The following ARID3A variants were observed in gnomAD, a reference collection of about 807,000 sequenced individuals.
The protein encoded by ARID3A is AT-rich interactive domain-containing protein 3A.
A neutral mutation model predicts 52.7 loss-of-function variants in ARID3A; 11 were observed. The observed-to-expected ratio is 0.21, with a 90% confidence interval of 0.13 to 0.35. ARID3A has a LOEUF of 0.35. Ranked by LOEUF, ARID3A falls within the 10% of genes least tolerant of loss-of-function variation. The pLI is 1.00. For missense variants in ARID3A, 721 were observed against 838.5 expected, an observed-to-expected ratio of 0.86 and a Z score of 1.73; for synonymous variants, 404 against 359.4, an observed-to-expected ratio of 1.12 and a Z score of -1.40.
chr19:965,408 C>T, intron 6 of ARID3A: 1 of 276,978 alleles, frequency 3.6e-6, no homozygotes, highest in East Asian at 7.2e-5. Context: ...TTTTCCCTCC[C>T]ACTGAGCCTC....
At chr19:968,232 C>G (rs1025935881) in intron 7 of ARID3A, among the ~76,000 whole-genome samples, 173 bp from the exon 8 acceptor site, 16 of 150,050 alleles carry the variant, frequency 1.1e-4, no homozygotes, top group Non-Finnish European at 7.4e-5. Flanking sequence ...TGGTGGCGGG[C>G]GCCTGTAGTC....
In ARID3A at chr19:932,520, G is replaced by A. The variant is rs1441257850; in HGVS notation, c.471G>A (p.Glu157=). Reference sequence around the variant, plus strand: ...ATGAGGAGGAGGAGGAGGACGAGGAGGGGCTGGGCCCCCCAGGCCCTGCCA... The same window carrying A: ...ATGAGGAGGAGGAGGAGGACGAGGAAGGGCTGGGCCCCCCAGGCCCTGCCA... ...YEDEEEEEDE[E]GLGPPGPASL... The change falls in exon 3 of 9, where the codon GAG becomes GAA. Residue 157 remains glutamate (E), a synonymous_variant. Coordinates refer to ENST00000263620, the MANE Select transcript of ARID3A (RefSeq NM_005224.3). 1 of 1,535,454 alleles carries A rather than the reference G, an allele frequency of 6.5e-7. No homozygotes were observed. The highest frequency in any genetic ancestry group is 2.3e-5 in the Admixed American group (1 of 43,442).
intron 4 of ARID3A, among the ~76,000 whole-genome samples, chr19:963,357 AC>A (rs1384386470): frequency 6.6e-6 from 1 of 152,216 alleles, no homozygotes; most frequent in African/African-American, 2.4e-5. Context: ...GGTGGGGGCC[AC>A]AGACTGTACA....
chr19:961,475 A>G (rs2145444417), intron 4 of ARID3A, among the ~76,000 whole-genome samples: 1 of 152,320 alleles, frequency 6.6e-6, no homozygotes, highest in Admixed American at 6.5e-5. Flanking sequence ...GAGGCTGGAC[A>G]GATCCTCCCC....
intron 3 of ARID3A, among the ~76,000 whole-genome samples, chr19:948,435 G>A (rs937556138): frequency 1.3e-5 from 2 of 152,142 alleles, no homozygotes; most frequent in African/African-American, 4.8e-5. Flanking sequence ...CGGGGCCGCG[G>A]TCCTGCGGGG....
chr19:968,710 C>T (rs2038216216), intron 8 of ARID3A: 5 of 520,316 alleles, frequency 9.6e-6, no homozygotes, highest in South Asian at 4.9e-5. Context: ...CAGAGGGGGT[C>T]GTCCACAGAT....
chr19:953,548 C>T lies in ARID3A; in HGVS notation c.694-6544C>T, dbSNP rs554160518. 1.3e-4 allele frequency among the ~76,000 whole-genome samples: 20 copies of T among 152,250 alleles called. No homozygotes were observed. The South Asian group carries it at 3.9e-3, about 30-fold the overall frequency. On this transcript the variant is annotated intron_variant, in intron 3 of 8. Coordinates refer to ENST00000263620, the MANE Select transcript of ARID3A (RefSeq NM_005224.3). ...CGTCTTCCCTCCATCCCCAGAGCCA[C>T]GGAGTGTGTCTTGCAGATCCGTGTA...
rs531435265 is a variant in ARID3A at position 959,878 on chromosome 19, C to A, written c.694-214C>A. On this transcript the variant is annotated intron_variant, in intron 3 of 8. Transcript: ENST00000263620. The surrounding 1 kb of genome is among the most constrained non-coding windows in gnomAD (Gnocchi z 5.0). ...CTGGTTTCTGGTGCCTCCTTGCAGA[C>A]CCTCTGGGAAGCTCGTTCACCGGCA... is the stretch of plus-strand genomic sequence containing the variant. Among the ~76,000 whole-genome samples, 51 of 152,146 alleles carry A rather than the reference C, an allele frequency of 3.4e-4. No individual in the cohort carries two copies. Among genetic ancestry groups the A allele is most frequent in the Non-Finnish European group, 6.9e-4 (47 of 68,008 alleles).
At chr19:970,923 C>T (rs1472824064) in intron 8 of ARID3A, among the ~76,000 whole-genome samples, 8 of 152,120 alleles carry the variant, frequency 5.3e-5, no homozygotes, top group African/African-American at 7.2e-5. Context: ...CTCACAGGTC[C>T]ACAAATGGAT....
At chr19:931,958 T>C (rs1462259495) in intron 2 of ARID3A, among the ~76,000 whole-genome samples, 5 of 149,574 alleles carry the variant, frequency 3.3e-5, no homozygotes, top group Non-Finnish European at 7.4e-5. Flanking sequence ...TGGGACAGCA[T>C]GCATGGTGCA....
At position 975,882 on chromosome 19, in the gene ARID3A, C is replaced by T. The variant is rs747004716; in HGVS notation, c.*3817C>T. The T allele has an allele frequency of 4.4e-5, 8 of 183,284 alleles. No homozygotes were observed. Among genetic ancestry groups the T allele is most frequent in the Non-Finnish European group, 8.1e-5 (7 of 86,314 alleles). The allele number at this position is 183,284 out of a possible 1,614,324, so 11.4% of individuals were successfully genotyped here. ...AGAAATATTTAAGACGATTGTAACC[C>T]TGTAAAGCTGATGAGATATTAAAAC... is the stretch of plus-strand genomic sequence containing the variant. On this transcript the variant is annotated 3_prime_UTR_variant, in exon 9 of 9. Coordinates refer to ENST00000263620, the MANE Select transcript of ARID3A (RefSeq NM_005224.3).
intron 8 of ARID3A, among the ~76,000 whole-genome samples, chr19:970,196 C>A (rs931007379): frequency 7.2e-5 from 11 of 151,768 alleles, no homozygotes; most frequent in African/African-American, 2.7e-4. Context: ...GCCTATAATC[C>A]CAGCTGCTTA....
intron 1 of ARID3A, among the ~76,000 whole-genome samples, chr19:927,093 C>T (rs1312868792): frequency 2.0e-5 from 3 of 152,072 alleles, no homozygotes; most frequent in Non-Finnish European, 4.4e-5. Context: ...TTTCGCCACC[C>T]GCGGGCCCGG....
chr19:950,235 G>T lies in ARID3A; in HGVS notation c.694-9857G>T, dbSNP rs8105316. ...CGGATGGATGAGGCCGTCCCCAGAG[G>T]GAACGGATGGATGAGGCCGTCCCCA... On this transcript the variant is annotated intron_variant, in intron 3 of 8. Coordinates refer to ENST00000263620, the MANE Select transcript of ARID3A (RefSeq NM_005224.3). Among the ~76,000 whole-genome samples the T allele has an allele frequency of 6.5e-4, 41 of 62,612 alleles. 3 individuals carry two copies. The highest frequency in any genetic ancestry group is 1.6e-3 in the African/African-American group (22 of 13,762). 41.1% of individuals were successfully genotyped at this position (62,612 alleles called of 152,430 possible).
rs1417556645 is a variant in ARID3A at position 929,489 on chromosome 19, T to G, written c.-40T>G. ...CGCCCACCCCTAGCGCCCGTGGTGG[T>G]GGTGGTGGTGGTGGTGGTGGTGGCC... On this transcript the variant is annotated 5_prime_UTR_variant, in exon 2 of 9. Transcript: ENST00000263620. The surrounding 1 kb of genome is among the most constrained non-coding windows in gnomAD (Gnocchi z 6.2). The G allele has an allele frequency of 1.7e-5, 21 of 1,254,912 alleles. No homozygotes were observed. Among genetic ancestry groups the G allele is most frequent in the Admixed American group, 7.7e-5 (3 of 38,990 alleles). The allele number at this position is 1,254,912 out of a possible 1,614,324, so 77.7% of individuals were successfully genotyped here.
Position 975,136 on chromosome 19 carries a change from C to G in ARID3A, c.*3071C>G, listed in dbSNP as rs1295922449. 8.7e-6 allele frequency: 2 copies of G among 230,726 alleles called. No homozygotes were observed. Among genetic ancestry groups the G allele is most frequent in the African/African-American group, 4.4e-5 (2 of 44,966 alleles). The allele number at this position is 230,726 out of a possible 1,614,324, so 14.3% of individuals were successfully genotyped here. ...TTCTGGGGTGCAGCTCAGCACCCCC[C>G]CTTATGCAGACTGGGAGGGGGTCGG... On this transcript the variant is annotated 3_prime_UTR_variant, in exon 9 of 9. Transcript: ENST00000263620.
intron 3 of ARID3A, among the ~76,000 whole-genome samples, chr19:950,930 C>A (rs1212680993): frequency 2.0e-5 from 3 of 152,048 alleles, no homozygotes; most frequent in Admixed American, 6.6e-5. Flanking sequence ...TCAAACTATT[C>A]TCCTGCCTCA....
chr19:961,262 C>T (rs2145443533), intron 4 of ARID3A, among the ~76,000 whole-genome samples: 1 of 152,234 alleles, frequency 6.6e-6, no homozygotes, highest in Middle Eastern at 3.4e-3. Context: ...CTTCTATAAA[C>T]ACAGGCCCCA....
intron 3 of ARID3A, among the ~76,000 whole-genome samples, chr19:937,785 C>T (rs1472044143): frequency 6.8e-6 from 1 of 147,810 alleles, no homozygotes; most frequent in Non-Finnish European, 1.5e-5. Context: ...CGGCTCACTG[C>T]AACCTCCACC....
Sources: allele counts gnomAD v4.1 joint callset (sites outside exome capture counted in the v4.1 genomes callset), GRCh38; gene constraint gnomAD v4.1.1; non-coding constraint Gnocchi (gnomAD v3.1); transcripts MANE v1.5; gene names NCBI Gene and HGNC (gene_info 2026-07-23, HGNC 2026-07-21).